The following KCNH8 variants were observed in gnomAD, a reference collection of about 807,000 sequenced individuals.
The protein encoded by KCNH8 is voltage-gated delayed rectifier potassium channel KCNH8.
A neutral mutation model predicts 103.6 loss-of-function variants in KCNH8; 70 were observed. The observed-to-expected ratio is 0.68, with a 90% CI of 0.56 to 0.82. The LOEUF (loss-of-function observed/expected upper bound fraction) is 0.82. KCNH8 is among the 40% of genes least tolerant of loss of function. The pLI is 0.00. For missense variants in KCNH8, 1,217 were observed against 1,329.9 expected, an observed-to-expected ratio of 0.92 and a Z score of 1.32; for synonymous variants, 498 against 489.4, an observed-to-expected ratio of 1.02 and a Z score of -0.23.
At chr3:19,349,108 A>G (rs1167314541) in intron 5 of KCNH8, among the ~76,000 whole-genome samples, 3 of 152,010 alleles carry the variant, frequency 2.0e-5, no homozygotes, top group Non-Finnish European at 4.4e-5. Flanking sequence ...AGTGGTAGCT[A>G]TAGTGTGTTT....
intron 8 of KCNH8, among the ~76,000 whole-genome samples, chr3:19,441,640 G>A (rs1216109099): frequency 6.6e-6 from 1 of 152,192 alleles, no homozygotes; most frequent in African/African-American, 2.4e-5. Flanking sequence ...AGTATTAGGA[G>A]ATGTTGAAGT....
chr3:19,478,148 T>C (rs1213226737), intron 11 of KCNH8, among the ~76,000 whole-genome samples: 1 of 152,180 alleles, frequency 6.6e-6, no homozygotes, highest in African/African-American at 2.4e-5. Context: ...TTAGGATTCA[T>C]AGGCCCATTT....
intron 8 of KCNH8, among the ~76,000 whole-genome samples, chr3:19,445,917 A>G (rs1305623603): frequency 6.6e-6 from 1 of 152,000 alleles, no homozygotes; most frequent in Non-Finnish European, 1.5e-5. Flanking sequence ...AAGATGACTA[A>G]GATATGATAC....
intron 12 of KCNH8, among the ~76,000 whole-genome samples, chr3:19,512,250 C>G (rs966580238): frequency 2.0e-5 from 3 of 152,180 alleles, no homozygotes; most frequent in African/African-American, 7.2e-5. Context: ...TTCCCACACT[C>G]TTTCTTTCCT....
intron 4 of KCNH8, 32 bp from the exon 5 acceptor site, chr3:19,347,693 C>T: frequency 6.2e-7 from 1 of 1,608,506 alleles, no homozygotes; most frequent in Non-Finnish European, 8.5e-7. Context: ...TGTTGTGTTT[C>T]TCCTTTCTCT....
chr3:19,489,161 G>T (rs952922039), intron 11 of KCNH8, among the ~76,000 whole-genome samples: 3 of 152,120 alleles, frequency 2.0e-5, no homozygotes, highest in Non-Finnish European at 4.4e-5. Context: ...ATGCTGGGTG[G>T]TCTAGGAGTG....
chr3:19,341,441 C>A (rs991772852), intron 3 of KCNH8, among the ~76,000 whole-genome samples: 1 of 152,078 alleles, frequency 6.6e-6, no homozygotes, highest in Admixed American at 6.6e-5. Flanking sequence ...AGGTGGTCCT[C>A]TCCTGCACTG....
chr3:19,181,705 G>A (rs1035629749), intron 1 of KCNH8, among the ~76,000 whole-genome samples: 2 of 152,040 alleles, frequency 1.3e-5, no homozygotes, highest in African/African-American at 4.8e-5. Flanking sequence ...TCAACTCAAA[G>A]ATGTTTATAG....
intron 7 of KCNH8, among the ~76,000 whole-genome samples, chr3:19,409,479 C>G (rs2066743091): frequency 6.6e-6 from 1 of 152,100 alleles, no homozygotes. Context: ...CAGCGAACAG[C>G]TAACAACTTC....
intron 11 of KCNH8, among the ~76,000 whole-genome samples, chr3:19,501,763 A>T (rs2068588243): frequency 6.6e-6 from 1 of 152,234 alleles, no homozygotes; most frequent in Non-Finnish European, 1.5e-5. Context: ...TTAGGTATTG[A>T]TGTGACGTAT....
chr3:19,348,029 T>C lies in KCNH8; in HGVS notation c.811+64T>C, dbSNP rs560866751. On this transcript the variant is annotated intron_variant, in intron 5 of 15. Transcript: ENST00000328405. ...TGAGAAGTGAAGTGTGTTCCAGATT[T>C]TTCTGACATGAATTTGAACTAAGAT... 7 of 1,568,734 alleles carry C rather than the reference T, an allele frequency of 4.5e-6. No individual in the cohort carries two copies. The East Asian group carries it at 1.6e-4, about 35-fold the overall frequency.
intron 1 of KCNH8, among the ~76,000 whole-genome samples, chr3:19,199,587 T>C (rs1176221335): frequency 6.7e-6 from 1 of 149,520 alleles, no homozygotes; most frequent in Non-Finnish European, 1.5e-5. Context: ...ATAAATAAAA[T>C]ATATGATGTA....
At chr3:19,511,059 T>C (rs1402523633) in intron 12 of KCNH8, among the ~76,000 whole-genome samples, 4 of 152,194 alleles carry the variant, frequency 2.6e-5, no homozygotes, top group Non-Finnish European at 5.9e-5. Flanking sequence ...TTTTGTTACA[T>C]AGGTATACAT....
chr3:19,294,615 T>G (rs1207947599), intron 3 of KCNH8, among the ~76,000 whole-genome samples: 1 of 152,214 alleles, frequency 6.6e-6, no homozygotes, highest in Non-Finnish European at 1.5e-5. Context: ...ATCTATATTT[T>G]ATTTTATTAG....
chr3:19,461,813 C>T (rs998990430), intron 11 of KCNH8, among the ~76,000 whole-genome samples: 1 of 152,070 alleles, frequency 6.6e-6, no homozygotes, highest in African/African-American at 2.4e-5. Flanking sequence ...TCATCCCTCC[C>T]CCTCCCAACC....
At chr3:19,528,120 G>C (rs370609632) in intron 15 of KCNH8, among the ~76,000 whole-genome samples, 2 of 151,806 alleles carry the variant, frequency 1.3e-5, no homozygotes, top group South Asian at 2.1e-4. Context: ...GAGGAAGAGG[G>C]GAAAGTGGAT....
chr3:19,278,269 A>G (rs2064703553), intron 2 of KCNH8, among the ~76,000 whole-genome samples: 1 of 152,080 alleles, frequency 6.6e-6, no homozygotes, highest in African/African-American at 2.4e-5. Context: ...ATCTTTCTAG[A>G]AGATAATGCA....
chr3:19,188,309 T>C (rs575658437), intron 1 of KCNH8, among the ~76,000 whole-genome samples: 36 of 152,232 alleles, frequency 2.4e-4, no homozygotes, highest in Non-Finnish European at 4.6e-4. Context: ...AGCAGAGATA[T>C]TGGCAATCTT....
chr3:19,330,207 TA>T (rs1461627138), intron 3 of KCNH8, among the ~76,000 whole-genome samples: 1 of 152,180 alleles, frequency 6.6e-6, no homozygotes, highest in Non-Finnish European at 1.5e-5. Context: ...CTTTCTTCCA[TA>T]AGCTTGGCCA....
Sources: gnomAD v4.1 joint callset for allele counts (sites outside exome capture counted in the v4.1 genomes callset) on GRCh38, gnomAD v4.1.1 for gene constraint, MANE v1.5 for transcripts, NCBI Gene and HGNC (gene_info 2026-07-23, HGNC 2026-07-21) for gene names.